Variants in MCTP2 observed in about 807,000 individuals in gnomAD.
MCTP2 encodes the protein multiple C2 and transmembrane domain containing 2.
MCTP2 carries 132 observed loss-of-function variants against 111.6 expected under a neutral mutation model. The observed-to-expected ratio is 1.18, with a 90% CI of 1.03 to 1.37. The LOEUF (loss-of-function observed/expected upper bound fraction) is 1.37. Ranked by LOEUF, MCTP2 falls within the 40% of genes most tolerant of loss-of-function variation. MCTP2 has a pLI of 0.00. For synonymous variants in MCTP2, 395 were observed against 387.7 expected (o/e 1.02, Z -0.22); for missense variants, 1,183 against 1,067.9 (o/e 1.11, Z -1.50).
chr15:94,277,027 A>G (rs2074254320), intron 1 of MCTP2, among the ~76,000 whole-genome samples: 1 of 151,986 alleles, frequency 6.6e-6, no homozygotes, highest in Admixed American at 6.6e-5. Context: ...TTGCTTGTCT[A>G]CATAGAAAAT....
intron 1 of MCTP2, chr15:94,292,892 A>G (rs2075095499): frequency 6.6e-6 from 1 of 152,236 alleles, no homozygotes; most frequent in Admixed American, 6.5e-5. Flanking sequence ...ATCAATGGAA[A>G]GGAATAATGA....
chr15:94,377,904 A>G (rs1336238109), intron 12 of MCTP2, among the ~76,000 whole-genome samples: 3 of 152,120 alleles, frequency 2.0e-5, no homozygotes, highest in Non-Finnish European at 2.9e-5. Flanking sequence ...GCAATGTTCC[A>G]GGGCCCGCCC....
Position 94,454,497 on chromosome 15 carries a change from A to G in MCTP2, c.2251-3640A>G, listed in dbSNP as rs77707221. Among the ~76,000 whole-genome samples, 61 of 152,308 alleles carry G rather than the reference A, an allele frequency of 4.0e-4. 5 individuals are homozygous for G. In the East Asian group the frequency reaches 0.012, roughly 29 times the overall value. The stretch of plus-strand genomic sequence containing the variant: ...ATATAAAAATAAACATCAGCATGGC[A>G]GTATGCACTTTCTCTTCTTTACCCG... On this transcript the variant is annotated intron_variant, in intron 19 of 22. Coordinates refer to ENST00000357742, the MANE Select transcript of MCTP2 (RefSeq NM_001385001.1).
At chr15:94,245,561 CATAT>C (rs2071888883) in intron 1 of MCTP2, among the ~76,000 whole-genome samples, 1 of 139,332 alleles carries the variant, frequency 7.2e-6, no homozygotes, top group African/African-American at 2.6e-5. Flanking sequence ...TATATGTATA[CATAT>C]ATGTATATAT....
At chr15:94,464,947 TATTC>T (rs559190094) in intron 20 of MCTP2, among the ~76,000 whole-genome samples, 155 of 151,244 alleles carry the variant, frequency 1.0e-3, no homozygotes, top group Middle Eastern at 3.5e-3. Context: ...TTGTTCTCTA[TATTC>T]ATTAGATTAA....
intron 1 of MCTP2, among the ~76,000 whole-genome samples, chr15:94,288,776 T>C (rs2074887763): frequency 6.6e-6 from 1 of 152,040 alleles, no homozygotes; most frequent in Non-Finnish European, 1.5e-5. Context: ...AGTCTTGAAA[T>C]AAAAGATAGA....
In MCTP2 at chr15:94,258,034, A is replaced by ATTT. The variant is rs60905293; in HGVS notation, c.-66+26389_-66+26391dup. On this transcript the variant is annotated intron_variant, in intron 1 of 22. Transcript: ENST00000357742. Reference sequence around the variant, plus strand: ...TGAGTACAGCACCTGCCACCATGTCATTTTTTTTTTTTTTTTTTTTTAGTA... The same window carrying ATTT: ...TGAGTACAGCACCTGCCACCATGTCATTTTTTTTTTTTTTTTTTTTTTTTAGTA... 8.7e-3 allele frequency among the ~76,000 whole-genome samples: 857 copies of ATTT among 98,956 alleles called. 27 individuals are homozygous for ATTT. Among genetic ancestry groups the ATTT allele is most frequent in the East Asian group, 0.028 (93 of 3,360 alleles). The allele number at this position is 98,956 out of a possible 152,430, so 64.9% of individuals were successfully genotyped here.
intron 17 of MCTP2, 114 bp from the exon 18 acceptor site, chr15:94,440,061 CT>C (rs1444624121): frequency 3.4e-5 from 41 of 1,208,254 alleles, no homozygotes; most frequent in Non-Finnish European, 4.8e-5. Context: ...GGAAATGTTT[CT>C]GAATGTGACT....
rs115160027 is a variant in MCTP2, at chr15:94,460,231, T to G, written c.2360+1985T>G. Among the ~76,000 whole-genome samples the G allele has an allele frequency of 4.5e-3, 682 of 152,174 alleles. 2 individuals carry two copies. The highest frequency in any genetic ancestry group is 0.016 in the African/African-American group (652 of 41,516). On this transcript the variant is annotated intron_variant, in intron 20 of 22. Coordinates refer to ENST00000357742, the MANE Select transcript of MCTP2 (RefSeq NM_001385001.1). ...AGGAGAAAGACAGACCGCAGGCAAT[T>G]CTGAAACAGAAGAAACTTATCAGCA...
intron 17 of MCTP2, among the ~76,000 whole-genome samples, chr15:94,434,281 T>G (rs2083345532): frequency 6.6e-6 from 1 of 152,012 alleles, no homozygotes; most frequent in Non-Finnish European, 1.5e-5. Flanking sequence ...TTTTGTGATG[T>G]TGCCCAGGCT....
intron 17 of MCTP2, among the ~76,000 whole-genome samples, chr15:94,407,200 A>G (rs902360022): frequency 6.6e-6 from 1 of 152,208 alleles, no homozygotes; most frequent in East Asian, 1.9e-4. Context: ...TATTATATAA[A>G]TGCATTTTTC....
rs1308610853 is a variant in MCTP2 at position 94,401,906 on chromosome 15, T to C, written c.1972T>C (p.Ser658Pro). 2 of 1,606,244 alleles carry C rather than the reference T, an allele frequency of 1.2e-6. No homozygotes were observed. The highest frequency in any genetic ancestry group is 2.3e-5 in the South Asian group (2 of 88,808). The change falls in exon 17 of 23, where the codon TCA (serine) becomes CCA (proline). Residue 658 changes from serine (S) to proline (P), a missense_variant. Ser to Pro is a moderately conservative substitution (Grantham distance 74). Transcript: ENST00000357742. The part of the protein sequence containing the change: ...DSRKLSKKIL[S>P]RDVDRVKRIT... Reference sequence around the variant, plus strand: ...TGTCATTTTTTAAAATCAGATCTTATCAAGAGATGTGGACCGTGTGAAAAG... The same window carrying C: ...TGTCATTTTTTAAAATCAGATCTTACCAAGAGATGTGGACCGTGTGAAAAG...
intron 17 of MCTP2, among the ~76,000 whole-genome samples, chr15:94,436,842 G>T (rs17662726): frequency 0.14 from 21,241 of 151,662 alleles, 1,568 homozygotes; most frequent in East Asian, 0.25. Flanking sequence ...AACCACCATT[G>T]AGTATGCCGT....
chr15:94,315,672 G>A, intron 4 of MCTP2, 35 bp downstream of exon 4: 1 of 1,462,036 alleles, frequency 6.8e-7, no homozygotes, highest in Non-Finnish European at 9.6e-7. Context: ...GGTGTAGCCT[G>A]GAAACTTCTT....
At chr15:94,278,286 T>A (rs2074313531) in intron 1 of MCTP2, 1 of 152,148 alleles carries the variant, frequency 6.6e-6, no homozygotes, top group Non-Finnish European at 1.5e-5. Context: ...CAATTAATTA[T>A]TATACGGTAT....
chr15:94,295,238 C>T (rs2152330580), intron 1 of MCTP2, among the ~76,000 whole-genome samples: 1 of 76,818 alleles, frequency 1.3e-5, no homozygotes, highest in African/African-American at 5.2e-5. Context: ...GTATGAGCCA[C>T]CACACCTGGC....
At chr15:94,385,208 A>C (rs2080386864) in intron 13 of MCTP2, among the ~76,000 whole-genome samples, 1 of 152,196 alleles carries the variant, frequency 6.6e-6, no homozygotes, top group Non-Finnish European at 1.5e-5. Context: ...ATAGTAAAAA[A>C]GTTGACTTCT....
chr15:94,326,815 C>T (rs2076898174), intron 4 of MCTP2, among the ~76,000 whole-genome samples: 1 of 51,988 alleles, frequency 1.9e-5, no homozygotes, highest in Non-Finnish European at 4.3e-5. Context: ...TGATCCCCGC[C>T]CCACCCCCCC....
chr15:94,406,771 A>T (rs1248537137), intron 17 of MCTP2, among the ~76,000 whole-genome samples: 5 of 151,730 alleles, frequency 3.3e-5, no homozygotes, highest in Non-Finnish European at 7.4e-5. Flanking sequence ...CTTTTAGATG[A>T]TGTAGAGGGA....
Sources: gnomAD v4.1 joint callset for allele counts (sites outside exome capture counted in the v4.1 genomes callset) on GRCh38, gnomAD v4.1.1 for gene constraint, MANE v1.5 for transcripts, NCBI Gene and HGNC (gene_info 2026-07-23, HGNC 2026-07-21) for gene names.